KCNN2: variants seen among roughly 807,000 people sequenced by gnomAD.
KCNN2 encodes small conductance calcium-activated potassium channel protein 2.
Under a neutral mutation model 55.5 loss-of-function variants are expected in KCNN2, and 24 were observed. The observed-to-expected ratio is 0.43, with a 90% CI of 0.31 to 0.61. The LOEUF (loss-of-function observed/expected upper bound fraction) is 0.61. KCNN2 is among the 20% of genes least tolerant of loss of function. The probability of loss-of-function intolerance (pLI) is 0.08; values close to 1 mark genes in which losing one functional copy is unlikely to be tolerated. For missense variants in KCNN2, 754 were observed against 853.6 expected (o/e 0.88, Z 1.45); for synonymous variants, 431 against 336.1 (o/e 1.28, Z -3.09).
intron 1 of KCNN2, among the ~76,000 whole-genome samples, chr5:114,101,420 T>A (rs1001710789): frequency 1.3e-5 from 2 of 151,050 alleles, no homozygotes; most frequent in Non-Finnish European, 3.0e-5. Flanking sequence ...TTTTCTTTTT[T>A]TTTTTTTTCT....
At chr5:114,143,303 C>T (rs1245690435) in intron 1 of KCNN2, among the ~76,000 whole-genome samples, 1 of 152,076 alleles carries the variant, frequency 6.6e-6, no homozygotes, top group Non-Finnish European at 1.5e-5. Flanking sequence ...TAATTTCTAA[C>T]AGAGCCTTAA....
chr5:114,118,200 G>A (rs567659437), intron 1 of KCNN2, among the ~76,000 whole-genome samples: 24 of 152,236 alleles, frequency 1.6e-4, no homozygotes, highest in African/African-American at 5.8e-4. Flanking sequence ...TCCAGGAGCT[G>A]CGGTGCTCTA....
intron 3 of KCNN2, among the ~76,000 whole-genome samples, chr5:114,441,362 A>G (rs567588834): frequency 5.3e-5 from 8 of 152,224 alleles, no homozygotes; most frequent in Non-Finnish European, 1.0e-4. Context: ...GTAGCCAATA[A>G]CTAGTAAAGA....
intron 1 of KCNN2, among the ~76,000 whole-genome samples, chr5:114,168,773 T>C (rs956993146): frequency 6.6e-6 from 1 of 152,096 alleles, no homozygotes; most frequent in Non-Finnish European, 1.5e-5. Context: ...ATTAATGATA[T>C]ATGGCTAGTG....
At chr5:114,260,909 G>A (rs1394731598) in intron 2 of KCNN2, among the ~76,000 whole-genome samples, 3 of 152,174 alleles carry the variant, frequency 2.0e-5, no homozygotes, top group Non-Finnish European at 4.4e-5. Context: ...AGCCTTACCA[G>A]GTGAGATTGG....
At chr5:114,349,082 C>T (rs1043584652) in intron 2 of KCNN2, among the ~76,000 whole-genome samples, 2 of 152,098 alleles carry the variant, frequency 1.3e-5, no homozygotes, top group Non-Finnish European at 2.9e-5. Context: ...TCCTTCCCCC[C>T]AGCCCAAGAC....
Position 114,473,111 on chromosome 5 carries a change from A to G in KCNN2, c.1837A>G (p.Lys613Glu). 1.2e-6 allele frequency: 2 copies of G among 1,612,692 alleles called. No individual in the cohort carries two copies. Among genetic ancestry groups the G allele is most frequent in the African/African-American group, 1.3e-5 (1 of 75,032 alleles). ...AVVARKLELT[K>E]AEKHVHNFMM... ...AGTGGCAAGGAAGCTAGAACTTACC[A>G]AAGCAGAAAAACACGTGCACAATTT... Residue 613 changes from lysine (K) to glutamate (E), a missense_variant, in exon 5 of 8, where the codon AAA becomes GAA. Physicochemically the swap from Lys to Glu is moderately conservative, Grantham distance 56. Transcript: ENST00000673685.
chr5:114,390,405 A>G (rs1012479035), intron 2 of KCNN2, among the ~76,000 whole-genome samples: 1 of 152,190 alleles, frequency 6.6e-6, no homozygotes. Context: ...CATCATTTCC[A>G]GTAGCTACAA....
intron 1 of KCNN2, among the ~76,000 whole-genome samples, chr5:114,165,313 G>A (rs761233966): frequency 2.6e-5 from 4 of 152,194 alleles, no homozygotes; most frequent in South Asian, 2.1e-4. Flanking sequence ...TACTTAACAC[G>A]AAGACGAGGA....
chr5:114,125,542 T>C (rs148563245), intron 1 of KCNN2, among the ~76,000 whole-genome samples: 27 of 152,232 alleles, frequency 1.8e-4, no homozygotes, highest in South Asian at 4.1e-4. Context: ...CTAAAAAAAA[T>C]CTATTCTCCC....
rs566979675 is a variant in KCNN2 at position 114,073,634 on chromosome 5, A to G, written c.-271+17134A>G. 2.6e-4 allele frequency among the ~76,000 whole-genome samples: 39 copies of G among 152,218 alleles called. No homozygotes were observed. The South Asian group carries it at 6.0e-3, about 24-fold the overall frequency. ...TCTCTTCTCTAGAAAATAAATACAC[A>G]TGTCAGCTTAACATCACATTTAAGA... On this transcript the variant is annotated intron_variant, in intron 1 of 10. Transcript: ENST00000512097.
chr5:114,312,434 C>CACATATATATAT (rs1561566604), intron 2 of KCNN2, among the ~76,000 whole-genome samples: 1 of 23,426 alleles, frequency 4.3e-5, no homozygotes, highest in African/African-American at 1.5e-4. Flanking sequence ...CACACACACA[C>CACATATATATAT]ATATATATAT....
intron 6 of KCNN2, among the ~76,000 whole-genome samples, chr5:114,487,641 C>G (rs1045329560): frequency 2.0e-5 from 3 of 152,048 alleles, no homozygotes; most frequent in African/African-American, 4.8e-5. Context: ...ACCTTTTACT[C>G]TCTTATCATT....
intron 2 of KCNN2, among the ~76,000 whole-genome samples, chr5:114,333,335 A>G (rs903962508): frequency 2.0e-5 from 3 of 152,180 alleles, no homozygotes; most frequent in Non-Finnish European, 4.4e-5. Context: ...GCTTGTTTAT[A>G]TCTGACTTAT....
At chr5:114,384,012 T>G (rs1758205629) in intron 2 of KCNN2, among the ~76,000 whole-genome samples, 1 of 152,246 alleles carries the variant, frequency 6.6e-6, no homozygotes, top group South Asian at 2.1e-4. Context: ...ATTGTAGTTC[T>G]TATTCAGCCA....
intron 1 of KCNN2, among the ~76,000 whole-genome samples, chr5:114,127,420 G>T (rs1486788835): frequency 6.6e-6 from 1 of 152,136 alleles, no homozygotes; most frequent in African/African-American, 2.4e-5. Context: ...GTGGAAGCTT[G>T]CACCCTCTGA....
intron 2 of KCNN2, among the ~76,000 whole-genome samples, chr5:114,268,116 C>T (rs1334978397): frequency 6.6e-6 from 1 of 152,200 alleles, no homozygotes; most frequent in Non-Finnish European, 1.5e-5. Flanking sequence ...CTTGTGTGCA[C>T]ACTCACCAAA....
At chr5:114,199,177 G>A (rs1439297451) in intron 1 of KCNN2, among the ~76,000 whole-genome samples, 1 of 152,004 alleles carries the variant, frequency 6.6e-6, no homozygotes, top group Non-Finnish European at 1.5e-5. Context: ...ATTGCATAAT[G>A]ACCTTTGTCA....
chr5:114,211,388 G>T (rs1381991803), intron 1 of KCNN2, among the ~76,000 whole-genome samples: 1 of 152,128 alleles, frequency 6.6e-6, no homozygotes, highest in African/African-American at 2.4e-5. Flanking sequence ...CCATAAAAAA[G>T]AATGAGATCA....
Sources: allele counts gnomAD v4.1 joint callset (sites outside exome capture counted in the v4.1 genomes callset), GRCh38; gene constraint gnomAD v4.1.1; transcripts MANE v1.5; gene names NCBI Gene and HGNC (gene_info 2026-07-23, HGNC 2026-07-21).